Variants in LMO1 observed in about 807,000 individuals in gnomAD.
LMO1 encodes rhombotin-1.
Under a neutral mutation model 18.0 loss-of-function variants are expected in LMO1, and 10 were observed. The ratio of observed to expected loss-of-function variants is 0.55; its 90% CI spans 0.34 to 0.94. LMO1 has a LOEUF of 0.94. Among genes scored for constraint, LMO1 ranks in the 40% least tolerant of loss-of-function variants. The pLI is 0.02. For synonymous variants in LMO1, 77 were observed against 77.9 expected (o/e 0.99, Z 0.06); for missense variants, 183 against 205.7 (o/e 0.89, Z 0.68).
chr11:8,238,499 G>A (rs1231349973), intron 1 of LMO1, among the ~76,000 whole-genome samples: 3 of 151,918 alleles, frequency 2.0e-5, no homozygotes, highest in Non-Finnish European at 4.4e-5. Context: ...GTGAAACCCC[G>A]TCTCTACTAA....
intron 1 of LMO1, 89 bp from the exon 2 acceptor site, chr11:8,230,593 C>A: frequency 7.6e-7 from 1 of 1,317,314 alleles, no homozygotes; most frequent in Non-Finnish European, 1.1e-6. Flanking sequence ...GAGCTCACTG[C>A]TTCTCTCTGC....
At chr11:8,228,601 C>T (rs1170941604) in intron 2 of LMO1, among the ~76,000 whole-genome samples, 1 of 152,018 alleles carries the variant, frequency 6.6e-6, no homozygotes, top group East Asian at 1.9e-4. Flanking sequence ...CGCTCGCATC[C>T]CAGCCCACTG....
intron 1 of LMO1, among the ~76,000 whole-genome samples, chr11:8,261,933 C>G (rs1590567107): frequency 6.6e-6 from 1 of 152,178 alleles, no homozygotes; most frequent in African/African-American, 2.4e-5. Context: ...TCTCTTCCTA[C>G]ACACATACTG....
At chr11:8,262,064 G>C (rs556502499) in intron 1 of LMO1, among the ~76,000 whole-genome samples, 1 of 152,170 alleles carries the variant, frequency 6.6e-6, no homozygotes, top group Non-Finnish European at 1.5e-5. Context: ...GCGGCAATGC[G>C]AACATCCTGT....
chr11:8,227,148 G>A (rs377424024), intron 2 of LMO1, 48 bp from the exon 3 acceptor site: 2 of 1,582,762 alleles, frequency 1.3e-6, no homozygotes, highest in Admixed American at 1.7e-5. Context: ...TGGGAAGCTG[G>A]GTGGGCAGGG....
At chr11:8,266,534 A>T (rs1847263104), upstream of LMO1, among the ~76,000 whole-genome samples, 3 of 152,158 alleles carry the variant, frequency 2.0e-5, no homozygotes, top group African/African-American at 4.8e-5. Flanking sequence ...AGTGCTCCAA[A>T]ATGCCCTCGA....
At chr11:8,231,614 A>G (rs904812520) in intron 1 of LMO1, among the ~76,000 whole-genome samples, 3 of 152,166 alleles carry the variant, frequency 2.0e-5, no homozygotes, top group African/African-American at 7.2e-5. Flanking sequence ...GAAGACAGGG[A>G]GCGTGTGCAT....
intron 1 of LMO1, among the ~76,000 whole-genome samples, chr11:8,236,629 A>C (rs1952765107): frequency 6.6e-6 from 1 of 152,068 alleles, no homozygotes; most frequent in Non-Finnish European, 1.5e-5. Flanking sequence ...CACGGAGAGC[A>C]TGCAGACACT....
At position 8,224,495 on chromosome 11, in the gene LMO1, A is replaced by T; in HGVS notation, c.*121T>A. On this transcript the variant is annotated 3_prime_UTR_variant, in exon 4 of 4. Transcript: ENST00000335790. ...CCATCCCTCCCATCGAGGACGGAGA[A>T]GTTCTAATGTGGCAGGAGAGCGGCT... 1 of 647,562 alleles carries T rather than the reference A, an allele frequency of 1.5e-6. No homozygotes were observed. Among genetic ancestry groups the T allele is most frequent in the Non-Finnish European group, 2.8e-6 (1 of 362,550 alleles). The allele number at this position is 647,562 out of a possible 1,614,324, so 40.1% of individuals were successfully genotyped here.
At chr11:8,265,839 T>C (rs920187378), upstream of LMO1, among the ~76,000 whole-genome samples, 20 of 152,216 alleles carry the variant, frequency 1.3e-4, no homozygotes, top group Non-Finnish European at 2.5e-4. Context: ...CCATCGGGGC[T>C]GCATGCAGCC....
chr11:8,264,516 A>G (rs1590570494), upstream of LMO1, among the ~76,000 whole-genome samples: 3 of 152,116 alleles, frequency 2.0e-5, no homozygotes, highest in East Asian at 5.8e-4. Context: ...GACAGTGCCC[A>G]TCTCTTCTCC....
chr11:8,256,016 G>A (rs542124996), intron 1 of LMO1, among the ~76,000 whole-genome samples: 10 of 151,916 alleles, frequency 6.6e-5, no homozygotes, highest in African/African-American at 1.9e-4. Flanking sequence ...TGGTAGAGAC[G>A]GGGTTTCACC....
At chr11:8,243,485 C>A (rs923124483) in intron 1 of LMO1, among the ~76,000 whole-genome samples, 1 of 152,186 alleles carries the variant, frequency 6.6e-6, no homozygotes, top group African/African-American at 2.4e-5. Context: ...AGTGCAGCCC[C>A]TGTGAAGTGA....
At chr11:8,263,200 G>A in intron 1 of LMO1, 138 bp downstream of exon 1, 2 of 711,278 alleles carry the variant, frequency 2.8e-6, no homozygotes, top group Non-Finnish European at 4.0e-6. Context: ...CCCCAGCCCC[G>A]GCCCCCAGCG....
At chr11:8,228,377 T>C (rs998332819) in intron 2 of LMO1, among the ~76,000 whole-genome samples, 9 of 152,238 alleles carry the variant, frequency 5.9e-5, no homozygotes, top group Admixed American at 2.0e-4. Context: ...ATCCCCGATT[T>C]GTCCAGCTCA....
chr11:8,235,523 A>G (rs1952747200), intron 1 of LMO1, among the ~76,000 whole-genome samples: 1 of 152,196 alleles, frequency 6.6e-6, no homozygotes, highest in African/African-American at 2.4e-5. Flanking sequence ...TAATCTATAG[A>G]CCTCATTCAG....
intron 1 of LMO1, among the ~76,000 whole-genome samples, chr11:8,252,632 C>T (rs759753535): frequency 6.6e-5 from 10 of 152,270 alleles, no homozygotes; most frequent in African/African-American, 1.7e-4. Context: ...CAGGCAGCCA[C>T]GTTGGAGAGG....
upstream of LMO1, among the ~76,000 whole-genome samples, chr11:8,265,970 A>T (rs1040176677): frequency 6.6e-6 from 1 of 152,008 alleles, no homozygotes; most frequent in Non-Finnish European, 1.5e-5. Flanking sequence ...TTGTCTGAAT[A>T]CCAGCTCACC....
intron 1 of LMO1, among the ~76,000 whole-genome samples, chr11:8,255,004 G>A (rs1323742650): frequency 6.6e-6 from 1 of 152,166 alleles, no homozygotes; most frequent in African/African-American, 2.4e-5. Flanking sequence ...AAGATGCTTG[G>A]TGGACTGATT....
Sources: allele counts gnomAD v4.1 joint callset (sites outside exome capture counted in the v4.1 genomes callset), GRCh38; gene constraint gnomAD v4.1.1; transcripts MANE v1.5; gene names NCBI Gene and HGNC (gene_info 2026-07-23, HGNC 2026-07-21).